The following MINDY4 variants were observed in gnomAD, a reference collection of about 807,000 sequenced individuals.
The protein encoded by MINDY4 is MINDY lysine 48 deubiquitinase 4.
Under a neutral mutation model 87.0 loss-of-function variants are expected in MINDY4, and 68 were observed. The ratio of observed to expected loss-of-function variants is 0.78; its 90% CI spans 0.64 to 0.96. The LOEUF is 0.96. Ranked by LOEUF, MINDY4 falls within the 40% of genes least tolerant of loss-of-function variation. MINDY4 has a pLI of 0.00. For synonymous variants in MINDY4, 379 were observed against 363.2 expected (o/e 1.04, Z -0.50); for missense variants, 919 against 928.2 (o/e 0.99, Z 0.13).
At chr7:30,798,983 C>T (rs976766560) in intron 5 of MINDY4, among the ~76,000 whole-genome samples, 1 of 152,186 alleles carries the variant, frequency 6.6e-6, no homozygotes, top group Non-Finnish European at 1.5e-5. Flanking sequence ...GGCTTCCACA[C>T]CAGGACTATT....
Position 30,840,749 on chromosome 7 carries a change from A to G in MINDY4, c.1357-11A>G. Reference sequence around the variant, plus strand: ...AGTTCTCACTGGCAGCAATGGTCTCATTCTTTGCAGGGTGGTCCTTGCGGA... The same window carrying G: ...AGTTCTCACTGGCAGCAATGGTCTCGTTCTTTGCAGGGTGGTCCTTGCGGA... On this transcript the variant is annotated splice_polypyrimidine_tract_variant and intron_variant, in intron 8 of 17. Coordinates refer to ENST00000265299, the MANE Select transcript of MINDY4 (RefSeq NM_032222.3). 6.2e-7 allele frequency: 1 copy of G among 1,613,366 alleles called. No individual in the cohort carries two copies. The highest frequency in any genetic ancestry group is 8.5e-7 in the Non-Finnish European group (1 of 1,179,548).
intron 15 of MINDY4, among the ~76,000 whole-genome samples, chr7:30,879,423 T>C (rs958799766): frequency 6.6e-6 from 1 of 152,238 alleles, no homozygotes; most frequent in Non-Finnish European, 1.5e-5. Context: ...GTCTGCTGTC[T>C]GAGCCATCCA....
intron 13 of MINDY4, among the ~76,000 whole-genome samples, chr7:30,868,012 C>T (rs1284710576): frequency 2.6e-5 from 4 of 152,192 alleles, no homozygotes; most frequent in African/African-American, 4.8e-5. Context: ...AGTCAGGGGC[C>T]GAGTGGACGC....
chr7:30,798,659 G>T (rs376014276), intron 5 of MINDY4, among the ~76,000 whole-genome samples: 3 of 152,250 alleles, frequency 2.0e-5, no homozygotes, highest in Non-Finnish European at 4.4e-5. Context: ...ACCACGCCTG[G>T]CTAATTTTTT....
At chr7:30,810,526 C>T (rs911067508) in intron 5 of MINDY4, among the ~76,000 whole-genome samples, 6 of 152,016 alleles carry the variant, frequency 3.9e-5, no homozygotes, top group African/African-American at 1.4e-4. Flanking sequence ...TGTGTGTAAA[C>T]ATATTAGCTA....
intron 5 of MINDY4, among the ~76,000 whole-genome samples, chr7:30,812,451 G>A (rs529725117): frequency 1.3e-5 from 2 of 152,266 alleles, no homozygotes; most frequent in East Asian, 3.9e-4. Context: ...GAATAGACAG[G>A]AAAAATGAAT....
chr7:30,777,130 C>T (rs986965403), intron 1 of MINDY4, among the ~76,000 whole-genome samples: 1 of 151,972 alleles, frequency 6.6e-6, no homozygotes, highest in Non-Finnish European at 1.5e-5. Flanking sequence ...CTGCCTCGGC[C>T]TCTCAAAGTT....
At chr7:30,866,274 C>A (rs572232149) in intron 13 of MINDY4, among the ~76,000 whole-genome samples, 1 of 152,294 alleles carries the variant, frequency 6.6e-6, no homozygotes, top group African/African-American at 2.4e-5. Context: ...GCCAGGTGCG[C>A]AGAGAAAGAG....
At chr7:30,855,870 C>G (rs1213221640) in intron 12 of MINDY4, among the ~76,000 whole-genome samples, 1 of 152,234 alleles carries the variant, frequency 6.6e-6, no homozygotes, top group East Asian at 1.9e-4. Flanking sequence ...GCAGCTCTCC[C>G]CCTGCAGTTT....
intron 9 of MINDY4, among the ~76,000 whole-genome samples, chr7:30,847,073 C>T (rs1789243664): frequency 6.6e-6 from 1 of 152,188 alleles, no homozygotes; most frequent in Non-Finnish European, 1.5e-5. Flanking sequence ...TTGGGGGCAT[C>T]TGACCCAGTG....
At chr7:30,788,352 C>G (rs765282463) in intron 4 of MINDY4, among the ~76,000 whole-genome samples, 8 of 152,148 alleles carry the variant, frequency 5.3e-5, no homozygotes, top group Non-Finnish European at 7.3e-5. Context: ...ATGTCTTGCA[C>G]TTTGAAGTTT....
intron 4 of MINDY4, among the ~76,000 whole-genome samples, chr7:30,790,176 G>C (rs999868362): frequency 2.0e-5 from 3 of 152,154 alleles, no homozygotes; most frequent in East Asian, 1.9e-4. Flanking sequence ...AGTACTACAG[G>C]TGCCTCATCC....
intron 16 of MINDY4, 100 bp downstream of exon 16, chr7:30,882,461 CAGAG>C: frequency 9.3e-7 from 1 of 1,071,372 alleles, no homozygotes; most frequent in South Asian, 1.7e-5. Context: ...ACCCCCATGA[CAGAG>C]AGCAGTGCAG....
intron 4 of MINDY4, among the ~76,000 whole-genome samples, chr7:30,789,095 A>G (rs1057166930): frequency 2.0e-5 from 3 of 152,156 alleles, no homozygotes; most frequent in East Asian, 1.9e-4. Context: ...TCATCTTACT[A>G]CTATGAAAAT....
chr7:30,866,021 A>G (rs1789923806), intron 13 of MINDY4, among the ~76,000 whole-genome samples: 1 of 152,202 alleles, frequency 6.6e-6, no homozygotes, highest in Admixed American at 6.5e-5. Context: ...AAAGCAAGCC[A>G]ACTGTGCCTG....
chr7:30,807,330 C>T (rs1787844242), intron 5 of MINDY4, among the ~76,000 whole-genome samples: 1 of 152,122 alleles, frequency 6.6e-6, no homozygotes, highest in Non-Finnish European at 1.5e-5. Flanking sequence ...AGAAACCCAT[C>T]CACACACAGA....
At chr7:30,811,572 G>A (rs1787999082) in intron 5 of MINDY4, among the ~76,000 whole-genome samples, 1 of 152,154 alleles carries the variant, frequency 6.6e-6, no homozygotes, top group South Asian at 2.1e-4. Flanking sequence ...TGCTTCCAAA[G>A]AAAGAAGAAG....
At chr7:30,849,461 C>T (rs910018488) in intron 9 of MINDY4, among the ~76,000 whole-genome samples, 2 of 152,188 alleles carry the variant, frequency 1.3e-5, no homozygotes, top group African/African-American at 4.8e-5. Flanking sequence ...TACGTATATT[C>T]GGCTGTTTCC....
At chr7:30,851,780 CG>C (rs1208656889) in intron 10 of MINDY4, among the ~76,000 whole-genome samples, 2 of 152,218 alleles carry the variant, frequency 1.3e-5, no homozygotes, top group African/African-American at 4.8e-5. Flanking sequence ...GATTCCTGGA[CG>C]TCTTGGGCTA....
Sources: allele counts gnomAD v4.1 joint callset (sites outside exome capture counted in the v4.1 genomes callset), GRCh38; gene constraint gnomAD v4.1.1; transcripts MANE v1.5; gene names NCBI Gene and HGNC (gene_info 2026-07-23, HGNC 2026-07-21).